Variants in PRDM16 observed in about 807,000 individuals in gnomAD.
The protein encoded by PRDM16 is histone-lysine N-methyltransferase PRDM16.
A neutral mutation model predicts 110.6 loss-of-function variants in PRDM16; 23 were observed. That is an observed-to-expected ratio of 0.21 (90% confidence interval 0.15 to 0.29). PRDM16 has a LOEUF of 0.29. PRDM16 is among the 10% of genes least tolerant of loss of function. The pLI is 1.00. For synonymous variants in PRDM16, 799 were observed against 781.8 expected (o/e 1.02, Z -0.37); for missense variants, 1,615 against 1,794.3 (o/e 0.90, Z 1.81).
rs1638954028 is a variant in PRDM16 at position 3,438,022 on chromosome 1, G to C, written c.*4211G>C. On this transcript the variant is annotated 3_prime_UTR_variant, in exon 17 of 17. Transcript: ENST00000270722. The stretch of plus-strand genomic sequence containing the variant: ...CTGCCATTGTTACATTACAGATTTG[G>C]TTTAGTTTTGTTTTGTTTTGTTTTT... 4.6e-6 allele frequency: 1 copy of C among 215,822 alleles called. No homozygotes were observed. Among genetic ancestry groups the C allele is most frequent in the East Asian group, 6.8e-5 (1 of 14,614 alleles). 13.4% of individuals were successfully genotyped at this position (215,822 alleles called of 1,614,324 possible).
chr1:3,188,637 C>T (rs1187958903), intron 2 of PRDM16, among the ~76,000 whole-genome samples: 1 of 152,246 alleles, frequency 6.6e-6, no homozygotes, highest in South Asian at 2.1e-4. Flanking sequence ...GTGCTCCCCG[C>T]GCACCCGGCA....
intron 9 of PRDM16, 69 bp from the exon 10 acceptor site, chr1:3,414,491 C>A: frequency 1.6e-6 from 2 of 1,257,076 alleles, no homozygotes; most frequent in South Asian, 1.3e-5. Flanking sequence ...GTGGGCGGCT[C>A]TGTGGAGCGG....
intron 3 of PRDM16, among the ~76,000 whole-genome samples, chr1:3,294,201 G>A (rs1349607986): frequency 1.3e-5 from 2 of 151,854 alleles, no homozygotes; most frequent in South Asian, 2.1e-4. Context: ...TGCCTACCAG[G>A]TAAACAGGCA....
intron 1 of PRDM16, among the ~76,000 whole-genome samples, chr1:3,091,279 G>T (rs1279355721): frequency 6.6e-6 from 1 of 152,190 alleles, no homozygotes. Flanking sequence ...GGAAACTGAG[G>T]CCTAGGGAGA....
rs529705594 is a variant in PRDM16 at position 3,161,703 on chromosome 1, G to A, written c.38-24422G>A. ...CCAGCCCCAGCAGGCCCGGCCGCGG[G>A]AGCCTCGAGATTCTTTTTCTTGAAA... On this transcript the variant is annotated intron_variant, in intron 1 of 16. Coordinates refer to ENST00000270722, the MANE Select transcript of PRDM16 (RefSeq NM_022114.4). Among the ~76,000 whole-genome samples, 11 of 152,330 alleles carry A rather than the reference G, an allele frequency of 7.2e-5. 1 individual carries two copies. In the South Asian group the frequency reaches 2.3e-3, roughly 32 times the overall value.
intron 10 of PRDM16, among the ~76,000 whole-genome samples, chr1:3,414,941 C>A (rs986067388): frequency 2.0e-5 from 3 of 152,188 alleles, no homozygotes; most frequent in Non-Finnish European, 4.4e-5. Flanking sequence ...GTGGGCAGAG[C>A]CTGAAGGAGC....
rs1553164486 is a variant in PRDM16 at position 3,331,299 on chromosome 1, C to CG, written c.439-53853_439-53852insG. The stretch of plus-strand genomic sequence containing the variant: ...TGGGAGTCTGGAGAAAGGCAGCCCC[C>CG]CCCCGGCACACTTGGAGGTGGGGGG... On this transcript the variant is annotated intron_variant, in intron 3 of 16. Coordinates refer to ENST00000270722, the MANE Select transcript of PRDM16 (RefSeq NM_022114.4). Among the ~76,000 whole-genome samples, 5 of 152,224 alleles carry CG rather than the reference C, an allele frequency of 3.3e-5. No individual in the cohort carries two copies. The East Asian group carries it at 9.7e-4, about 29-fold the overall frequency.
chr1:3,315,342 C>T (rs1406617428), intron 3 of PRDM16, among the ~76,000 whole-genome samples: 1 of 152,118 alleles, frequency 6.6e-6, no homozygotes, highest in East Asian at 1.9e-4. Context: ...GGGGCAAATC[C>T]ATCACCCTGG....
chr1:3,311,908 C>T (rs572843469), intron 3 of PRDM16, among the ~76,000 whole-genome samples: 19 of 152,316 alleles, frequency 1.2e-4, no homozygotes, highest in African/African-American at 4.3e-4. Context: ...GCCTCACAGT[C>T]GCTCTACAGC....
At chr1:3,194,492 C>T (rs1484355418) in intron 2 of PRDM16, among the ~76,000 whole-genome samples, 1 of 152,136 alleles carries the variant, frequency 6.6e-6, no homozygotes, top group African/African-American at 2.4e-5. Context: ...GGGACCTCGG[C>T]TCAGGCTGGA....
intron 3 of PRDM16, chr1:3,307,268 G>C (rs1406549673): frequency 6.6e-6 from 1 of 152,144 alleles, no homozygotes; most frequent in South Asian, 2.1e-4. Context: ...TTCCATAGTG[G>C]CTGCACCATG....
chr1:3,105,134 G>C (rs574940584), intron 1 of PRDM16, among the ~76,000 whole-genome samples: 29 of 152,150 alleles, frequency 1.9e-4, no homozygotes, highest in African/African-American at 7.0e-4. Flanking sequence ...CCCCCAAGTA[G>C]TGAGCCCTCC....
At chr1:3,239,423 T>C (rs1419148122) in intron 2 of PRDM16, among the ~76,000 whole-genome samples, 1 of 152,020 alleles carries the variant, frequency 6.6e-6, no homozygotes, top group Non-Finnish European at 1.5e-5. Flanking sequence ...CTCCCAGCAG[T>C]GAGCAGAGTG....
rs923017918 is a variant in PRDM16, at chr1:3,125,895, C to T, written c.37+56599C>T. On this transcript the variant is annotated intron_variant, in intron 1 of 16. Transcript: ENST00000270722. ...CCCAGCTCCAGGCCCATTGCTGTCA[C>T]GGGGCTGTTACAGGCATAATGACAG... 5.3e-5 allele frequency among the ~76,000 whole-genome samples: 8 copies of T among 152,324 alleles called. No homozygotes were observed. The East Asian group carries it at 5.8e-4, about 11-fold the overall frequency.
At chr1:3,264,659 G>A (rs975243636) in intron 3 of PRDM16, among the ~76,000 whole-genome samples, 5 of 149,766 alleles carry the variant, frequency 3.3e-5, no homozygotes, top group Non-Finnish European at 7.4e-5. Context: ...AAGGGGAGGG[G>A]CGTGGAGGGG....
intron 8 of PRDM16, among the ~76,000 whole-genome samples, chr1:3,410,133 A>G (rs1014774881): frequency 2.7e-5 from 4 of 146,456 alleles, no homozygotes; most frequent in African/African-American, 1.0e-4. Context: ...GTGCATGTGT[A>G]TGAATGTGGT....
intron 2 of PRDM16, among the ~76,000 whole-genome samples, chr1:3,237,730 A>G (rs4648372): frequency 0.31 from 46,916 of 152,208 alleles, 10,523 homozygotes; most frequent in African/African-American, 0.62. Flanking sequence ...AAGGGGCAGC[A>G]CTCACAGGCG....
chr1:3,093,108 C>CTGAGAAG (rs1295800502), intron 1 of PRDM16, among the ~76,000 whole-genome samples: 11 of 152,180 alleles, frequency 7.2e-5, no homozygotes, highest in Non-Finnish European at 4.4e-5. Context: ...CCTGACCTGG[C>CTGAGAAG]TGAGAAGTGA....
Position 3,265,666 on chromosome 1 carries a change from G to A in PRDM16, c.438+21529G>A, listed in dbSNP as rs1640268527. The stretch of plus-strand genomic sequence containing the variant: ...AATTGCAGCCAAGGCCAGCCCTCTT[G>A]CCCCGGGGCTGCCTGGGTTTGTCCT... On this transcript the variant is annotated intron_variant, in intron 3 of 16. Coordinates refer to ENST00000270722, the MANE Select transcript of PRDM16 (RefSeq NM_022114.4). The surrounding 1 kb of genome is among the most constrained non-coding windows in gnomAD (Gnocchi z 4.5). Among the ~76,000 whole-genome samples the A allele has an allele frequency of 6.6e-6, 1 of 152,058 alleles. No homozygotes were observed. Among genetic ancestry groups the A allele is most frequent in the Admixed American group, 6.5e-5 (1 of 15,270 alleles).
Sources: allele counts gnomAD v4.1 joint callset (sites outside exome capture counted in the v4.1 genomes callset), GRCh38; gene constraint gnomAD v4.1.1; non-coding constraint Gnocchi (gnomAD v3.1); transcripts MANE v1.5; gene names NCBI Gene and HGNC (gene_info 2026-07-23, HGNC 2026-07-21).